Variants in ZC3H12B observed in about 807,000 individuals in gnomAD.
ZC3H12B encodes the protein zinc finger CCCH-type containing 12B.
ZC3H12B carries 7 observed loss-of-function variants against 43.9 expected under a neutral mutation model. The observed-to-expected ratio is 0.16, with a 90% CI of 0.09 to 0.30. The LOEUF is 0.30. Among genes scored for constraint, ZC3H12B ranks in the 10% least tolerant of loss-of-function variants. The pLI is 1.00. For missense variants in ZC3H12B, 475 were observed against 670.2 expected, an observed-to-expected ratio of 0.71 and a Z score of 3.22; for synonymous variants, 222 against 241.7, an observed-to-expected ratio of 0.92 and a Z score of 0.76.
chrX:65,348,643 C>T, the ZC3H12B span, among the ~76,000 whole-genome samples: 3 of 105,239 alleles, frequency 2.9e-5, no homozygotes, highest in Non-Finnish European at 5.8e-5. Context: ...CACACATAGG[C>T]TCAAAATAAA....
intron 3 of ZC3H12B, among the ~76,000 whole-genome samples, chrX:65,411,528 C>T (rs1472969362): frequency 4.5e-5 from 5 of 110,514 alleles, no homozygotes; most frequent in Admixed American, 2.9e-4. Context: ...GAGTTCGAGA[C>T]CAGACTGACC....
the ZC3H12B span, chrX:65,185,449 C>A: frequency 8.9e-6 from 1 of 112,044 alleles, no homozygotes; most frequent in East Asian, 2.8e-4. Context: ...CATCTACAAC[C>A]TGATTCTGTT....
At chrX:65,209,369 G>T in the ZC3H12B span, among the ~76,000 whole-genome samples, 3 of 76,507 alleles carry the variant, frequency 3.9e-5, no homozygotes, top group Non-Finnish European at 2.5e-5. Context: ...ACAGATTCTG[G>T]TATGTGGTGT....
At chrX:65,245,982 T>A in the ZC3H12B span, among the ~76,000 whole-genome samples, 1 of 111,664 alleles carries the variant, frequency 9.0e-6, no homozygotes, top group Non-Finnish European at 1.9e-5. Flanking sequence ...TATCCCTGTT[T>A]GCAGGAGACA....
intron 3 of ZC3H12B, among the ~76,000 whole-genome samples, chrX:65,478,477 C>A (rs1292728592): frequency 8.9e-6 from 1 of 112,454 alleles, no homozygotes; most frequent in Non-Finnish European, 1.9e-5. Context: ...AAATCAGATT[C>A]TCTCCTCTTC....
the ZC3H12B span, among the ~76,000 whole-genome samples, chrX:65,297,584 A>G: frequency 9.0e-6 from 1 of 111,454 alleles, no homozygotes; most frequent in South Asian, 3.8e-4. Context: ...AAAGCAATCT[A>G]CAAACTTAAT....
the ZC3H12B span, among the ~76,000 whole-genome samples, chrX:65,295,792 C>G: frequency 1.8e-5 from 2 of 111,241 alleles, no homozygotes; most frequent in African/African-American, 6.5e-5. Context: ...CACGCACAAA[C>G]TAGAAACCTT....
intron 3 of ZC3H12B, among the ~76,000 whole-genome samples, chrX:65,460,789 A>G (rs1420301411): frequency 8.0e-5 from 9 of 111,839 alleles, no homozygotes; most frequent in Non-Finnish European, 1.3e-4. Flanking sequence ...CATTCAGGAC[A>G]TAGGCATGGG....
chrX:65,390,794 A>G (rs768400756), intron 2 of ZC3H12B, among the ~76,000 whole-genome samples: 57 of 112,017 alleles, frequency 5.1e-4, no homozygotes, highest in African/African-American at 1.4e-3. Context: ...CAGCACATGG[A>G]TCATTCTCAA....
the ZC3H12B span, among the ~76,000 whole-genome samples, chrX:65,222,650 T>TAATAATAATAAA: frequency 1.1e-5 from 1 of 93,932 alleles, no homozygotes; most frequent in Non-Finnish European, 2.1e-5. Flanking sequence ...ATAATAATAA[T>TAATAATAATAAA]AAAACACTTA....
chrX:65,270,385 A>C, the ZC3H12B span, among the ~76,000 whole-genome samples: 1 of 111,956 alleles, frequency 8.9e-6, no homozygotes, highest in Non-Finnish European at 1.9e-5. Flanking sequence ...AACGATTCAA[A>C]ATGGATAAAA....
At chrX:65,212,204 T>A in the ZC3H12B span, among the ~76,000 whole-genome samples, 1 of 42,703 alleles carries the variant, frequency 2.3e-5, no homozygotes, top group Admixed American at 4.7e-4. Flanking sequence ...AATATAATTA[T>A]TATATAATAT....
the ZC3H12B span, chrX:65,330,846 T>A: frequency 3.1e-3 from 619 of 201,968 alleles, 2 homozygotes; most frequent in African/African-American, 0.016. Flanking sequence ...CCAAAAATGC[T>A]GCAGAATCTC....
At chrX:65,226,683 A>G in the ZC3H12B span, among the ~76,000 whole-genome samples, 6 of 111,347 alleles carry the variant, frequency 5.4e-5, no homozygotes, top group South Asian at 3.8e-4. Context: ...AAGGATGGAG[A>G]AAGAGCTACC....
chrX:65,124,702 G>C, the ZC3H12B span, among the ~76,000 whole-genome samples: 2 of 110,349 alleles, frequency 1.8e-5, no homozygotes, highest in Admixed American at 1.9e-4. Flanking sequence ...TACCTTCTTA[G>C]TTTAATCTAG....
At chrX:65,229,293 C>A in the ZC3H12B span, among the ~76,000 whole-genome samples, 1 of 111,794 alleles carries the variant, frequency 8.9e-6, no homozygotes, top group Non-Finnish European at 1.9e-5. Context: ...AAAGGATTCC[C>A]GATTTACTAA....
At chrX:65,320,327 T>C in the ZC3H12B span, among the ~76,000 whole-genome samples, 1 of 111,383 alleles carries the variant, frequency 9.0e-6, no homozygotes, top group African/African-American at 3.3e-5. Context: ...TACCTAGGAA[T>C]ACAGCTAACC....
chrX:65,488,721 A>G, upstream of ZC3H12B: 1 of 1,073,138 alleles, frequency 9.3e-7, no homozygotes, highest in African/African-American at 1.9e-5. Flanking sequence ...TTTTACTACA[A>G]AAGAATGCCA....
chrX:65,248,630 CT>C, the ZC3H12B span, among the ~76,000 whole-genome samples: 1 of 111,669 alleles, frequency 9.0e-6, no homozygotes. Context: ...AGTAGTTCTA[CT>C]TTTAGTTCTT....
Sources: gnomAD v4.1 joint callset for allele counts (sites outside exome capture counted in the v4.1 genomes callset) on GRCh38, gnomAD v4.1.1 for gene constraint, MANE v1.5 for transcripts, NCBI Gene and HGNC (gene_info 2026-07-23, HGNC 2026-07-21) for gene names.